MYPN: variants seen among roughly 807,000 people sequenced by gnomAD.
The protein encoded by MYPN is myopalladin, also known as sarcomeric protein myopalladin, 145 kDa (MYOP).
A neutral mutation model predicts 129.4 loss-of-function variants in MYPN; 63 were observed. That is an observed-to-expected ratio of 0.49 (90% confidence interval 0.40 to 0.60). The LOEUF (loss-of-function observed/expected upper bound fraction) is 0.60. Among genes scored for constraint, MYPN ranks in the 20% least tolerant of loss-of-function variants. The pLI is 0.00. For synonymous variants in MYPN, 629 were observed against 600.9 expected (o/e 1.05, Z -0.68); for missense variants, 1,596 against 1,635.4 (o/e 0.98, Z 0.42).
chr10:68,194,551 G>A, intron 14 of MYPN, 39 bp downstream of exon 14: 1 of 1,608,238 alleles, frequency 6.2e-7, no homozygotes, highest in East Asian at 2.2e-5. Context: ...GCACTCTGAG[G>A]AAGGAGCGGT....
intron 2 of MYPN, among the ~76,000 whole-genome samples, chr10:68,131,174 A>G (rs2042404867): frequency 6.6e-6 from 1 of 152,162 alleles, no homozygotes; most frequent in African/African-American, 2.4e-5. Context: ...AGATCACTTG[A>G]GGTCAGGAGT....
chr10:68,098,579 C>T (rs1564636968), intron 1 of MYPN, among the ~76,000 whole-genome samples: 1 of 152,108 alleles, frequency 6.6e-6, no homozygotes, highest in Non-Finnish European at 1.5e-5. Context: ...GGCACGGTGA[C>T]TCACACCTGT....
intron 15 of MYPN, 110 bp from the exon 16 acceptor site, chr10:68,197,242 C>CAAA (rs34524918): frequency 6.2e-4 from 685 of 1,106,612 alleles, no homozygotes; most frequent in African/African-American, 5.4e-3. Flanking sequence ...TTTCCCCCTT[C>CAAA]AAAAAAAAAA....
chr10:68,131,770 T>C (rs1200503707), intron 2 of MYPN, among the ~76,000 whole-genome samples: 2 of 152,242 alleles, frequency 1.3e-5, no homozygotes, highest in East Asian at 3.8e-4. Context: ...TTCATAGGCA[T>C]CTCATTTTTA....
chr10:68,174,197 C>G lies in MYPN; in HGVS notation c.2105C>G (p.Ala702Gly). The G allele has an allele frequency of 1.2e-6, 2 of 1,614,028 alleles. No homozygotes were observed. Among genetic ancestry groups the G allele is most frequent in the Non-Finnish European group, 1.7e-6 (2 of 1,179,948 alleles). Residue 702 changes from alanine to glycine, a missense_variant, in exon 11 of 20, where the codon GCG becomes GGG. Physicochemically the swap from Ala to Gly is moderately conservative, Grantham distance 60. Coordinates refer to ENST00000358913, the MANE Select transcript of MYPN (RefSeq NM_032578.4). Reference sequence around the variant, plus strand: ...GTTTTGAACTCCAATGCTCCCCCAGCGGTGACAACATCCAGTAAGCAGGTG... The same window carrying G: ...GTTTTGAACTCCAATGCTCCCCCAGGGGTGACAACATCCAGTAAGCAGGTG... ...MTVLNSNAPP[A>G]VTTSSKQVKA... is the part of the protein sequence containing the mutation.
intron 10 of MYPN, among the ~76,000 whole-genome samples, chr10:68,173,579 TTTATTTATTTATTTATTTA>T (rs1564679926): frequency 2.8e-5 from 1 of 36,276 alleles, no homozygotes; most frequent in Non-Finnish European, 4.9e-5. Context: ...AGTTATTTTA[TTTATTTATTTATTTATTTA>T]TTTATTTATT....
At position 68,182,307 on chromosome 10, in the gene MYPN, A is replaced by G. The variant is rs1450156828; in HGVS notation, c.2704-6598A>G. Among the ~76,000 whole-genome samples the G allele has an allele frequency of 1.1e-3, 13 of 11,986 alleles. 1 individual carries two copies. The highest frequency in any genetic ancestry group is 1.3e-3 in the African/African-American group (11 of 8,272). The allele number at this position is 11,986 out of a possible 152,430, so 7.9% of individuals were successfully genotyped here. ...CATATATATATAACATATATATAAC[A>G]CACACATATATATAACATATATATA... is the stretch of plus-strand genomic sequence containing the variant. On this transcript the variant is annotated intron_variant, in intron 12 of 19. Transcript: ENST00000358913.
chr10:68,161,904 T>C (rs2042982576), intron 8 of MYPN, 152 bp downstream of exon 8: 1 of 609,244 alleles, frequency 1.6e-6, no homozygotes, highest in Non-Finnish European at 2.8e-6. Flanking sequence ...GGCTCATGTC[T>C]GTAATTCCAG....
intron 6 of MYPN, among the ~76,000 whole-genome samples, chr10:68,152,954 G>T (rs1475255985): frequency 7.4e-5 from 11 of 148,790 alleles, no homozygotes; most frequent in East Asian, 3.9e-4. Flanking sequence ...TTTATTTTAT[G>T]TTATTTTATT....
intron 5 of MYPN, 44 bp from the exon 6 acceptor site, chr10:68,149,996 T>C (rs2134097025): frequency 6.5e-7 from 1 of 1,534,256 alleles, no homozygotes; most frequent in South Asian, 1.1e-5. Context: ...ATCCATCTAA[T>C]AATATTAGTA....
chr10:68,122,204 C>T lies in MYPN; in HGVS notation c.766C>T (p.Pro256Ser), dbSNP rs1352606923. 5.0e-6 allele frequency: 8 copies of T among 1,608,910 alleles called. No homozygotes were observed. The highest frequency in any genetic ancestry group is 6.8e-6 in the Non-Finnish European group (8 of 1,177,428). The change falls in exon 2 of 20, where the codon CCT becomes TCT. Residue 256 changes from proline (P) to serine (S), a missense_variant. Coordinates refer to ENST00000358913, the MANE Select transcript of MYPN (RefSeq NM_032578.4). ...AGGDTTPGSSPSSLYYEEPLG... is the reference protein window; with the variant it reads ...AGGDTTPGSSSSSLYYEEPLG... ...TGGAGACACTACACCAGGGTCTTCC[C>T]CTTCATCTCTGTACTATGAAGAACC...
At chr10:68,114,911 G>GA (rs57611355) in intron 1 of MYPN, among the ~76,000 whole-genome samples, 4 of 151,722 alleles carry the variant, frequency 2.6e-5, no homozygotes, top group South Asian at 4.2e-4. Flanking sequence ...TTGAAAGTGG[G>GA]AAAAAAAATC....
Position 68,201,875 on chromosome 10 carries a change from C to T in MYPN, c.3540C>T (p.Asn1180=). Residue 1180 remains asparagine, a synonymous_variant, in exon 18 of 20, where the codon AAC becomes AAT. Transcript: ENST00000358913. ...KAPVILEKLQ[N]CGVPEGHPVR... is the part of the protein sequence containing the mutation. Reference sequence around the variant, plus strand: ...CTGTGATCCTGGAGAAACTACAGAACTGCGGTGTTCCCGAAGGCCACCCCG... The same window carrying T: ...CTGTGATCCTGGAGAAACTACAGAATTGCGGTGTTCCCGAAGGCCACCCCG... 1 of 1,614,140 alleles carries T rather than the reference C, an allele frequency of 6.2e-7. No homozygotes were observed. The highest frequency in any genetic ancestry group is 8.5e-7 in the Non-Finnish European group (1 of 1,180,018).
At chr10:68,189,274 C>A in intron 13 of MYPN, 148 bp downstream of exon 13, 2 of 671,882 alleles carry the variant, frequency 3.0e-6, no homozygotes, top group South Asian at 1.7e-5. Context: ...AGGGTATATG[C>A]AATATTTTGA....
chr10:68,089,635 G>A (rs889420939), intron 1 of MYPN, among the ~76,000 whole-genome samples: 2 of 152,122 alleles, frequency 1.3e-5, no homozygotes, highest in Non-Finnish European at 2.9e-5. Flanking sequence ...GTGAGCCAGC[G>A]CGCCTGGCCT....
intron 2 of MYPN, among the ~76,000 whole-genome samples, chr10:68,139,714 A>G (rs968794184): frequency 1.3e-5 from 2 of 152,232 alleles, no homozygotes; most frequent in Non-Finnish European, 2.9e-5. Context: ...AAAGGTTGCC[A>G]TAGAACTTGA....
At chr10:68,144,776 C>T (rs2042634756) in intron 3 of MYPN, among the ~76,000 whole-genome samples, 1 of 152,124 alleles carries the variant, frequency 6.6e-6, no homozygotes, top group Non-Finnish European at 1.5e-5. Context: ...GTAATCCCTT[C>T]TTGTATTCAA....
At chr10:68,182,338 CACATATATAACATATATATAACACAT>C in intron 12 of MYPN, among the ~76,000 whole-genome samples, 2 of 49,456 alleles carry the variant, frequency 4.0e-5, no homozygotes, top group African/African-American at 1.2e-4. Context: ...ATATAACACA[CACATATATAACATATATATAACACAT>C]ATATATAACA....
intron 12 of MYPN, among the ~76,000 whole-genome samples, chr10:68,179,209 A>T (rs1313245013): frequency 6.6e-6 from 1 of 152,110 alleles, no homozygotes; most frequent in South Asian, 2.1e-4. Flanking sequence ...TAGTCATGCC[A>T]TTCATTCCCT....
Sources: gnomAD v4.1 joint callset for allele counts (sites outside exome capture counted in the v4.1 genomes callset) on GRCh38, gnomAD v4.1.1 for gene constraint, MANE v1.5 for transcripts, NCBI Gene and HGNC (gene_info 2026-07-23, HGNC 2026-07-21) for gene names.